CFAP54: variants seen among roughly 807,000 people sequenced by gnomAD.
CFAP54 encodes cilia and flagella associated protein 54.
In CFAP54, 290 loss-of-function variants were observed where a neutral mutation model predicts 370.4. That is an observed-to-expected ratio of 0.78 (90% CI 0.71 to 0.86). CFAP54 has a LOEUF of 0.86. CFAP54 is among the 40% of genes least tolerant of loss of function. The probability of loss-of-function intolerance (pLI) is 0.00; values close to 1 mark genes in which losing one functional copy is unlikely to be tolerated. For missense variants in CFAP54, 3,399 were observed against 3,528.7 expected (o/e 0.96, Z 0.93); for synonymous variants, 1,206 against 1,236.5 (o/e 0.98, Z 0.52).
In CFAP54 at chr12:96,779,895, A is replaced by T. The variant is rs1228586621; in HGVS notation, c.8282-4822A>T. 4.6e-5 allele frequency among the ~76,000 whole-genome samples: 7 copies of T among 152,162 alleles called. No homozygotes were observed. In the South Asian group the frequency reaches 1.4e-3, roughly 32 times the overall value. ...CAGCTATGCAGTAGTCTAGATTGCAATTAAGATTAAGTGGTCTTAATTTAA... is the reference window on the plus strand; with the variant it reads ...CAGCTATGCAGTAGTCTAGATTGCATTTAAGATTAAGTGGTCTTAATTTAA... On this transcript the variant is annotated intron_variant, in intron 60 of 67. Coordinates refer to ENST00000524981, the MANE Select transcript of CFAP54 (RefSeq NM_001306084.2).
At chr12:96,561,155 C>T (rs1332803243) in intron 17 of CFAP54, among the ~76,000 whole-genome samples, 1 of 152,170 alleles carries the variant, frequency 6.6e-6, no homozygotes, top group Non-Finnish European at 1.5e-5. Context: ...TTTCCCCACC[C>T]AAATCTCATC....
chr12:96,603,111 T>G (rs938455919), intron 26 of CFAP54, among the ~76,000 whole-genome samples: 6 of 152,240 alleles, frequency 3.9e-5, no homozygotes, highest in African/African-American at 1.4e-4. Flanking sequence ...TTCCTTTCTA[T>G]GTTTAGTGCT....
At chr12:96,730,816 A>G (rs951216605) in intron 50 of CFAP54, among the ~76,000 whole-genome samples, 1 of 152,246 alleles carries the variant, frequency 6.6e-6, no homozygotes, top group African/African-American at 2.4e-5. Context: ...TCATCTCATC[A>G]GTATAAGCCT....
At chr12:96,802,975 A>G (rs141272386) in intron 63 of CFAP54, among the ~76,000 whole-genome samples, 1,788 of 152,176 alleles carry the variant, frequency 0.012, 45 homozygotes, top group African/African-American at 0.041. Context: ...ATGGTTTCCA[A>G]CTTCATCCAT....
intron 32 of CFAP54, among the ~76,000 whole-genome samples, chr12:96,637,209 T>C (rs933820370): frequency 6.6e-6 from 1 of 152,230 alleles, no homozygotes; most frequent in African/African-American, 2.4e-5. Flanking sequence ...GGATTATCCA[T>C]GTGGCATGTC....
intron 26 of CFAP54, among the ~76,000 whole-genome samples, chr12:96,602,406 G>A (rs1474148213): frequency 2.0e-5 from 3 of 152,222 alleles, no homozygotes; most frequent in Non-Finnish European, 4.4e-5. Flanking sequence ...TAAGTGCGAT[G>A]TGGTGCCAAG....
intron 60 of CFAP54, among the ~76,000 whole-genome samples, chr12:96,769,530 C>A (rs764160228): frequency 7.9e-5 from 12 of 152,234 alleles, no homozygotes; most frequent in Admixed American, 4.6e-4. Context: ...CTTAGACAGA[C>A]TGCTCTGTCT....
At chr12:96,690,012 G>T (rs1257745257) in intron 43 of CFAP54, among the ~76,000 whole-genome samples, 1 of 152,110 alleles carries the variant, frequency 6.6e-6, no homozygotes, top group African/African-American at 2.4e-5. Flanking sequence ...AGGAGGCAAG[G>T]GTGTAAAGGA....
rs771878615 is a variant in CFAP54 at position 96,589,493 on chromosome 12, G to A, written c.3142G>A (p.Val1048Ile). The A allele has an allele frequency of 6.6e-7, 1 of 1,518,004 alleles. No individual in the cohort carries two copies. The highest frequency in any genetic ancestry group is 1.4e-5 in the African/African-American group (1 of 72,600). The allele number at this position is 1,518,004 out of a possible 1,614,324, so 94.0% of individuals were successfully genotyped here. The change falls in exon 23 of 68, where the codon GTT becomes ATT. Residue 1048 changes from valine to isoleucine, a missense_variant. Physicochemically the swap from Val to Ile is conservative, Grantham distance 29. Around this residue, in one of 3 missense-constraint regions of CFAP54, gnomAD observed 2,796 missense variants for 2,869.7 expected, o/e 0.97. Transcript: ENST00000524981. ...KVFSPVWDYF[V>I]ASPLQDEQSV... The stretch of plus-strand genomic sequence containing the variant: ...TTTCTCACCAGTTTGGGATTATTTT[G>A]TTGCTTCGCCACTTCAGGATGAACA...
chr12:96,795,263 A>G (rs149367197), intron 63 of CFAP54, among the ~76,000 whole-genome samples: 57 of 152,226 alleles, frequency 3.7e-4, no homozygotes, highest in African/African-American at 1.0e-3. Flanking sequence ...AGCTGATAGT[A>G]TAGGTAAGAC....
chr12:96,667,172 A>G (rs761412380), intron 39 of CFAP54, among the ~76,000 whole-genome samples: 6 of 152,076 alleles, frequency 3.9e-5, no homozygotes, highest in Non-Finnish European at 7.4e-5. Context: ...GGCTGCTTTC[A>G]CAGGCTGGTG....
At chr12:96,495,465 T>A (rs770327418) in intron 1 of CFAP54, among the ~76,000 whole-genome samples, 11 of 149,106 alleles carry the variant, frequency 7.4e-5, no homozygotes, top group Admixed American at 6.8e-4. Flanking sequence ...TAGGTGCATG[T>A]CACCACGCCC....
At position 96,592,483 on chromosome 12, in the gene CFAP54, A is replaced by G; in HGVS notation, c.3213-7A>G. 1 of 546,610 alleles carries G rather than the reference A, an allele frequency of 1.8e-6. No homozygotes were observed. The highest frequency in any genetic ancestry group is 2.9e-5 in the South Asian group (1 of 34,518). The allele number at this position is 546,610 out of a possible 1,614,324, so 33.9% of individuals were successfully genotyped here. On this transcript the variant is annotated splice_region_variant and splice_polypyrimidine_tract_variant and intron_variant, in intron 23 of 67. Coordinates refer to ENST00000524981, the MANE Select transcript of CFAP54 (RefSeq NM_001306084.2). ...TATTTATACCTGCCATTTACTTCAT[A>G]TTGCAGATTACATTCAGATATTTTG...
intron 6 of CFAP54, among the ~76,000 whole-genome samples, chr12:96,521,446 T>TAG (rs1955312590): frequency 6.6e-6 from 1 of 151,836 alleles, no homozygotes; most frequent in African/African-American, 2.4e-5. Context: ...AACAGTTAGG[T>TAG]AGATAATACA....
chr12:96,691,062 C>T, intron 43 of CFAP54, 66 bp from the exon 44 acceptor site: 4 of 1,408,874 alleles, frequency 2.8e-6, no homozygotes, highest in Non-Finnish European at 4.0e-6. Flanking sequence ...ATGTATTTAT[C>T]TTTTTTGTTT....
At chr12:96,589,966 C>T (rs573853461) in intron 23 of CFAP54, among the ~76,000 whole-genome samples, 20 of 152,194 alleles carry the variant, frequency 1.3e-4, no homozygotes, top group Non-Finnish European at 2.6e-4. Flanking sequence ...AGACTGGTCT[C>T]GAACTCCTGG....
rs1565984899 is a variant in CFAP54, at chr12:96,806,196, ATATATATATATATATAT to A, written c.8851-5539_8851-5523del. 7.1e-3 allele frequency among the ~76,000 whole-genome samples: 578 copies of A among 81,938 alleles called. 27 individuals are homozygous for A. The highest frequency in any genetic ancestry group is 0.056 in the South Asian group (120 of 2,158). The allele number at this position is 81,938 out of a possible 152,430, so 53.8% of individuals were successfully genotyped here. A position where few individuals can be genotyped will look rare whatever the true frequency, so the allele number is the denominator to read the frequency against. Reference sequence around the variant, plus strand: ...TATATATATATATATATATATATATATATATATATATATATATAATAACAACATAAAAAGAAAGTTGG... The same window carrying A: ...TATATATATATATATATATATATATAAATAACAACATAAAAAGAAAGTTGG... On this transcript the variant is annotated intron_variant, in intron 63 of 67. Transcript: ENST00000524981.
At chr12:96,601,590 T>A (rs969134350) in intron 26 of CFAP54, among the ~76,000 whole-genome samples, 1 of 151,946 alleles carries the variant, frequency 6.6e-6, no homozygotes, top group Non-Finnish European at 1.5e-5. Context: ...GGTCCTGGAC[T>A]TTTTTTTGGT....
At chr12:96,834,703 T>A (rs921964465) in intron 66 of CFAP54, among the ~76,000 whole-genome samples, 3 of 152,166 alleles carry the variant, frequency 2.0e-5, no homozygotes, top group African/African-American at 7.2e-5. Flanking sequence ...AGGCCTGGGG[T>A]CCCAGAAGGG....
Sources: gnomAD v4.1 joint callset for allele counts (sites outside exome capture counted in the v4.1 genomes callset) on GRCh38, gnomAD v4.1.1 for gene constraint, gnomAD v4.1.1 regional missense constraint, MANE v1.5 for transcripts, NCBI Gene and HGNC (gene_info 2026-07-23, HGNC 2026-07-21) for gene names.